Variants in ZNF445 observed in about 807,000 individuals in gnomAD.
The protein encoded by ZNF445 is zinc finger protein 445, also known as zinc finger protein 168.
Under a neutral mutation model 93.9 loss-of-function variants are expected in ZNF445, and 19 were observed. The observed-to-expected ratio is 0.20, with a 90% CI of 0.14 to 0.30. The LOEUF is 0.30. Ranked by LOEUF, ZNF445 falls within the 10% of genes least tolerant of loss-of-function variation. ZNF445 has a pLI of 1.00. For missense variants in ZNF445, 1,058 were observed against 1,259.4 expected (o/e 0.84, Z 2.42); for synonymous variants, 449 against 446.3 (o/e 1.01, Z -0.08).
chr3:44,447,967 A>G lies in ZNF445; in HGVS notation c.1704T>C (p.Phe568=), dbSNP rs763687810. 2 of 1,612,752 alleles carry G rather than the reference A, an allele frequency of 1.2e-6. No homozygotes were observed. Among genetic ancestry groups the G allele is most frequent in the African/African-American group, 2.7e-5 (2 of 74,796 alleles). ...CTGCCCTATACTGATTCAATTCAAG[A>G]AATTTCTTCTTAGCATGGGTTTCTC... The part of the protein sequence containing the change: ...LHRETHAKKK[F]LELNQYRAAL... The change falls in exon 8 of 8, where the codon TTT becomes TTC. Residue 568 remains phenylalanine, a synonymous_variant. Coordinates refer to ENST00000396077, the MANE Select transcript of ZNF445 (RefSeq NM_181489.6). This position sits in a 1 kb window ranked among gnomAD's most constrained non-coding sequence, Gnocchi z 4.7.
chr3:44,458,386 G>A (rs1252947962), intron 1 of ZNF445, 22 bp from the exon 2 acceptor site: 2 of 151,868 alleles, frequency 1.3e-5, no homozygotes, highest in Non-Finnish European at 2.9e-5. Context: ...GAACATAGGA[G>A]AAAACCTTTA....
At chr3:44,455,982 C>T (rs1224246992) in intron 2 of ZNF445, among the ~76,000 whole-genome samples, 2 of 152,144 alleles carry the variant, frequency 1.3e-5, no homozygotes, top group African/African-American at 4.8e-5. Context: ...TATGCATGTA[C>T]TGGAAGATGT....
At position 44,440,232 on chromosome 3, in the gene ZNF445, TCTC is replaced by T. The variant is rs1294420492; in HGVS notation, c.*6340_*6342del. 6.6e-6 allele frequency: 1 copy of T among 152,214 alleles called. No individual in the cohort carries two copies. The highest frequency in any genetic ancestry group is 1.9e-4 in the East Asian group (1 of 5,200). 9.4% of individuals were successfully genotyped at this position (152,214 alleles called of 1,614,324 possible). On this transcript the variant is annotated 3_prime_UTR_variant, in exon 8 of 8. Transcript: ENST00000396077. ...CAACTAAAACCTGGCTGATATAAAA[TCTC>T]CTTGCTGTTCTTAGCAGGGTTAACA... is the stretch of plus-strand genomic sequence containing the variant.
chr3:44,473,491 A>ACACACACACACACACAC (rs768926978), intron 1 of ZNF445, among the ~76,000 whole-genome samples: 4 of 89,896 alleles, frequency 4.4e-5, no homozygotes, highest in African/African-American at 1.3e-4. Context: ...ACACACACAC[A>ACACACACACACACACAC]AAAAATGCTT....
intron 1 of ZNF445, among the ~76,000 whole-genome samples, chr3:44,464,703 T>C (rs1173768656): frequency 6.6e-6 from 1 of 152,218 alleles, no homozygotes; most frequent in Non-Finnish European, 1.5e-5. Flanking sequence ...AGATAAGGCC[T>C]TGGGACATAT....
chr3:44,446,873 G>A lies in ZNF445; in HGVS notation c.2798C>T (p.Ser933Phe). Residue 933 changes from serine (S) to phenylalanine (F), a missense_variant, in exon 8 of 8, where the codon TCC becomes TTC. Ser to Phe is a radical substitution (Grantham distance 155). Around this residue, in one of 3 missense-constraint regions of ZNF445, gnomAD observed 387 missense variants for 475.7 expected, o/e 0.81. Transcript: ENST00000396077. This position sits in a 1 kb window ranked among gnomAD's most constrained non-coding sequence, Gnocchi z 4.2. ...TAATCTCAACTTTGTGTCCTGAGAG[G>A]AAGACCGTGCAGGCGGGCTACGTTC... Reference protein sequence around the residue: ...QAERSPPARSSSQDTKLRLQK... With the variant: ...QAERSPPARSFSQDTKLRLQK... 1.2e-6 allele frequency: 2 copies of A among 1,614,172 alleles called. No homozygotes were observed. The highest frequency in any genetic ancestry group is 1.1e-5 in the South Asian group (1 of 91,082).
chr3:44,463,238 T>C (rs529799690), intron 1 of ZNF445, among the ~76,000 whole-genome samples: 2 of 152,266 alleles, frequency 1.3e-5, no homozygotes, highest in South Asian at 2.1e-4. Context: ...GGTTTCACCA[T>C]GTTGCTAGGT....
chr3:44,432,083 A>G lies in ZNF445; in HGVS notation c.*14492T>C, dbSNP rs1431552440. The G allele has an allele frequency of 6.6e-6, 1 of 152,108 alleles. No homozygotes were observed. Among genetic ancestry groups the G allele is most frequent in the East Asian group, 1.9e-4 (1 of 5,174 alleles). The allele number at this position is 152,108 out of a possible 1,614,324, so 9.4% of individuals were successfully genotyped here. ...GCTACATGTTTTGTATTTTTAGTAG[A>G]GACGGGGTTTCACCATGTTGGCCAG... On this transcript the variant is annotated 3_prime_UTR_variant, in exon 8 of 8. Transcript: ENST00000396077.
intron 1 of ZNF445, among the ~76,000 whole-genome samples, chr3:44,463,271 G>A (rs916479242): frequency 6.6e-6 from 1 of 152,048 alleles, no homozygotes; most frequent in Non-Finnish European, 1.5e-5. Flanking sequence ...CCTGACCTCA[G>A]GTGATCTGCC....
Position 44,438,981 on chromosome 3 carries a change from A to G in ZNF445, c.*7594T>C, listed in dbSNP as rs931515848. On this transcript the variant is annotated 3_prime_UTR_variant, in exon 8 of 8. Transcript: ENST00000396077. Reference sequence around the variant, plus strand: ...ATGTATACATATGTAACTAACCTGCACATTGTGCACATGTACCCTAAAAGT... The same window carrying G: ...ATGTATACATATGTAACTAACCTGCGCATTGTGCACATGTACCCTAAAAGT... 1.4e-5 allele frequency: 2 copies of G among 144,066 alleles called. No homozygotes were observed. The highest frequency in any genetic ancestry group is 5.2e-5 in the African/African-American group (2 of 38,794). 8.9% of individuals were successfully genotyped at this position (144,066 alleles called of 1,614,324 possible). A position where few individuals can be genotyped will look rare whatever the true frequency, so the allele number is the denominator to read the frequency against.
intron 6 of ZNF445, 24 bp from the exon 7 acceptor site, chr3:44,449,647 T>G (rs1335506249): frequency 1.3e-6 from 2 of 1,577,734 alleles, no homozygotes; most frequent in Non-Finnish European, 1.7e-6. Context: ...GAGAATGGCA[T>G]GAGAAGGGAG....
chr3:44,432,259 T>TTGTGTGTGTGTGTCTGTG lies in ZNF445; in HGVS notation c.*14298_*14315dup. 1.6e-5 allele frequency: 2 copies of TTGTGTGTGTGTGTCTGTG among 124,596 alleles called. No homozygotes were observed. The highest frequency in any genetic ancestry group is 3.4e-5 in the Non-Finnish European group (2 of 59,146). The allele number at this position is 124,596 out of a possible 1,614,324, so 7.7% of individuals were successfully genotyped here. On this transcript the variant is annotated 3_prime_UTR_variant, in exon 8 of 8. Transcript: ENST00000396077. ...TTTATTGGAACACATCTACACTCAT[T>TTGTGTGTGTGTGTCTGTG]TGTGTGTGTGTGTCTGTGTGTGTGT...
rs1697752106 is a variant in ZNF445 at position 44,439,000 on chromosome 3, TA to T, written c.*7574del. The T allele has an allele frequency of 1.2e-5, 1 of 82,682 alleles. No homozygotes were observed. Among genetic ancestry groups the T allele is most frequent in the African/African-American group, 4.8e-5 (1 of 21,004 alleles). 5.1% of individuals were successfully genotyped at this position (82,682 alleles called of 1,614,324 possible). A position where few individuals can be genotyped will look rare whatever the true frequency, so the allele number is the denominator to read the frequency against. The stretch of plus-strand genomic sequence containing the variant: ...ACCTGCACATTGTGCACATGTACCC[TA>T]AAAGTATAAAAAAAAAAAAAACAAG... On this transcript the variant is annotated 3_prime_UTR_variant, in exon 8 of 8. Coordinates refer to ENST00000396077, the MANE Select transcript of ZNF445 (RefSeq NM_181489.6).
chr3:44,475,237 T>C (rs577160993), intron 1 of ZNF445, among the ~76,000 whole-genome samples: 1 of 152,182 alleles, frequency 6.6e-6, no homozygotes, highest in African/African-American at 2.4e-5. Context: ...TCACTCTTGT[T>C]GCCCAGGCTG....
At chr3:44,448,810 C>T in intron 7 of ZNF445, 71 bp from the exon 8 acceptor site, 1 of 1,511,298 alleles carries the variant, frequency 6.6e-7, no homozygotes, top group Non-Finnish European at 8.8e-7. Flanking sequence ...CACCAAAGGG[C>T]AATAAAATGT....
In ZNF445 at chr3:44,443,248, T is replaced by C. The variant is rs1575305563; in HGVS notation, c.*3327A>G. On this transcript the variant is annotated 3_prime_UTR_variant, in exon 8 of 8. Coordinates refer to ENST00000396077, the MANE Select transcript of ZNF445 (RefSeq NM_181489.6). ...CCAACATTGATTCTGCCAAAATCTTTAGTAGTTAGCACCAAGTAGTCAGGC... is the reference window on the plus strand; with the variant it reads ...CCAACATTGATTCTGCCAAAATCTTCAGTAGTTAGCACCAAGTAGTCAGGC... The C allele has an allele frequency of 6.6e-6, 1 of 152,242 alleles. No homozygotes were observed. 9.4% of individuals were successfully genotyped at this position (152,242 alleles called of 1,614,324 possible). A position where few individuals can be genotyped will look rare whatever the true frequency, so the allele number is the denominator to read the frequency against.
At chr3:44,460,377 A>G (rs1478502339) in intron 1 of ZNF445, among the ~76,000 whole-genome samples, 1 of 152,148 alleles carries the variant, frequency 6.6e-6, no homozygotes, top group Non-Finnish European at 1.5e-5. Context: ...TGGGGACTAG[A>G]TTGCCTTTGT....
At position 44,436,975 on chromosome 3, in the gene ZNF445, T is replaced by C. The variant is rs1697693899; in HGVS notation, c.*9600A>G. ...TCTTGGATCTCGCACAAGAAAGAAT[T>C]CAGGGCGAGTCCGTAAAGAGAAAGC... On this transcript the variant is annotated 3_prime_UTR_variant, in exon 8 of 8. Coordinates refer to ENST00000396077, the MANE Select transcript of ZNF445 (RefSeq NM_181489.6). 1 of 152,180 alleles carries C rather than the reference T, an allele frequency of 6.6e-6. No individual in the cohort carries two copies. The highest frequency in any genetic ancestry group is 2.1e-4 in the South Asian group (1 of 4,834). 9.4% of individuals were successfully genotyped at this position (152,180 alleles called of 1,614,324 possible).
chr3:44,472,159 T>C (rs1263170973), intron 1 of ZNF445, among the ~76,000 whole-genome samples: 1 of 152,136 alleles, frequency 6.6e-6, no homozygotes, highest in African/African-American at 2.4e-5. Flanking sequence ...GCAATTAAGT[T>C]AAAGAGAAAG....
Sources: gnomAD v4.1 joint callset for allele counts (sites outside exome capture counted in the v4.1 genomes callset) on GRCh38, gnomAD v4.1.1 for gene constraint, gnomAD v4.1.1 regional missense constraint, Gnocchi (gnomAD v3.1) non-coding constraint, MANE v1.5 for transcripts, NCBI Gene and HGNC (gene_info 2026-07-23, HGNC 2026-07-21) for gene names.